Variants in KCNN2 observed in about 807,000 individuals in gnomAD.
The protein encoded by KCNN2 is potassium calcium-activated channel subfamily N member 2.
KCNN2 carries 24 observed loss-of-function variants against 55.5 expected under a neutral mutation model. That is an observed-to-expected ratio of 0.43 (90% CI 0.31 to 0.61). The LOEUF is 0.61. KCNN2 is among the 20% of genes least tolerant of loss of function. The pLI is 0.08. For synonymous variants in KCNN2, 431 were observed against 336.1 expected (o/e 1.28, Z -3.09); for missense variants, 754 against 853.6 (o/e 0.88, Z 1.45).
rs146852362 is a variant in KCNN2, at chr5:114,257,879, G to C, written c.-185+36314G>C. ...CTCTGGCTAGAACTTCTAGTACTCTGTTGAATAGGAGTGGTGAGTGTGGGA... is the reference window on the plus strand; with the variant it reads ...CTCTGGCTAGAACTTCTAGTACTCTCTTGAATAGGAGTGGTGAGTGTGGGA... On this transcript the variant is annotated intron_variant, in intron 2 of 10. Coordinates refer to the KCNN2 transcript ENST00000512097. Among the ~76,000 whole-genome samples, 107 of 152,268 alleles carry C rather than the reference G, an allele frequency of 7.0e-4. 2 individuals are homozygous for C. The East Asian group carries it at 0.015, about 22-fold the overall frequency.
chr5:114,285,283 CAAAAAAAAAAAA>C (rs70976334), intron 2 of KCNN2, among the ~76,000 whole-genome samples: 1 of 56,276 alleles, frequency 1.8e-5, no homozygotes, highest in Non-Finnish European at 3.0e-5. Context: ...ACTCCATCTC[CAAAAAAAAAAAA>C]AAAAAAAAAA....
chr5:114,234,390 GCA>G (rs1259366292), intron 2 of KCNN2, among the ~76,000 whole-genome samples: 2 of 152,270 alleles, frequency 1.3e-5, no homozygotes, highest in East Asian at 1.9e-4. Flanking sequence ...AGACAGACAT[GCA>G]CAGTTTCCTT....
chr5:114,468,277 G>T (rs142133336), intron 4 of KCNN2, among the ~76,000 whole-genome samples: 204 of 152,180 alleles, frequency 1.3e-3, no homozygotes, highest in Non-Finnish European at 2.0e-3. Flanking sequence ...AATGTTACTT[G>T]CCAGAATTGA....
At chr5:114,308,799 G>T (rs1454112990) in intron 2 of KCNN2, among the ~76,000 whole-genome samples, 1 of 152,106 alleles carries the variant, frequency 6.6e-6, no homozygotes, top group African/African-American at 2.4e-5. Context: ...AGGACTAAAT[G>T]AAAAATTTAA....
intron 2 of KCNN2, among the ~76,000 whole-genome samples, chr5:114,251,353 CT>C (rs1443257337): frequency 2.4e-4 from 36 of 152,216 alleles, no homozygotes; most frequent in African/African-American, 8.7e-4. Context: ...GGTTTGAATC[CT>C]CCTATGCTAT....
chr5:114,209,662 G>T (rs1753839698), intron 1 of KCNN2, among the ~76,000 whole-genome samples: 1 of 152,130 alleles, frequency 6.6e-6, no homozygotes, highest in South Asian at 2.1e-4. Flanking sequence ...ATTGTATGAA[G>T]ACATTATACT....
chr5:114,233,490 T>A (rs1454105938), intron 2 of KCNN2, among the ~76,000 whole-genome samples: 2 of 152,176 alleles, frequency 1.3e-5, no homozygotes, highest in African/African-American at 4.8e-5. Context: ...ACCATAACAC[T>A]CTCTCCTGAT....
At chr5:114,248,168 A>G (rs572801414) in intron 2 of KCNN2, among the ~76,000 whole-genome samples, 12 of 152,332 alleles carry the variant, frequency 7.9e-5, no homozygotes, top group African/African-American at 2.4e-4. Context: ...AGATTTTTAC[A>G]TGGACAGGAA....
intron 2 of KCNN2, among the ~76,000 whole-genome samples, chr5:114,396,757 G>T (rs1418474874): frequency 6.6e-6 from 1 of 152,100 alleles, no homozygotes; most frequent in Non-Finnish European, 1.5e-5. Context: ...ATGTTGGCCA[G>T]GATGGTCTCG....
At chr5:114,305,294 C>G (rs62382908) in intron 2 of KCNN2, among the ~76,000 whole-genome samples, 5,565 of 152,222 alleles carry the variant, frequency 0.037, 141 homozygotes, top group Middle Eastern at 0.078. Context: ...CAGAGATGGC[C>G]TACGATCTCT....
rs549232423 is a variant in KCNN2 at position 114,435,337 on chromosome 5, T to C, written c.1638-27712T>C. Among the ~76,000 whole-genome samples the C allele has an allele frequency of 2.6e-5, 4 of 152,344 alleles. No homozygotes were observed. In the East Asian group the frequency reaches 7.7e-4, roughly 29 times the overall value. ...GTCCCTAGTTTTGAGGGTGGTGGTT[T>C]GTCTTGTGACCTTAATTCTCTGCTA... On this transcript the variant is annotated intron_variant, in intron 3 of 7. Transcript: ENST00000673685.
intron 2 of KCNN2, among the ~76,000 whole-genome samples, chr5:114,274,542 G>C (rs1012254625): frequency 6.6e-6 from 1 of 152,060 alleles, no homozygotes; most frequent in Non-Finnish European, 1.5e-5. Context: ...TCTTTGAAGA[G>C]GTCCTTCACA....
intron 2 of KCNN2, among the ~76,000 whole-genome samples, chr5:114,255,376 A>T (rs1477168239): frequency 6.6e-6 from 1 of 152,218 alleles, no homozygotes; most frequent in Non-Finnish European, 1.5e-5. Context: ...AATTTTCCAG[A>T]CGGATGAGGT....
intron 2 of KCNN2, among the ~76,000 whole-genome samples, chr5:114,255,977 T>G (rs1306284769): frequency 6.6e-6 from 1 of 152,088 alleles, no homozygotes; most frequent in Non-Finnish European, 1.5e-5. Context: ...TGTACCCTAA[T>G]TTCTCATCTC....
At chr5:114,056,639 A>T (rs1750215514) in intron 1 of KCNN2, 1 of 387,936 alleles carries the variant, frequency 2.6e-6, no homozygotes, top group South Asian at 1.5e-4. Flanking sequence ...TCCAGCACCC[A>T]CTCATACCTT....
At chr5:114,194,422 T>G (rs1319901062) in intron 1 of KCNN2, among the ~76,000 whole-genome samples, 1 of 152,054 alleles carries the variant, frequency 6.6e-6, no homozygotes, top group East Asian at 1.9e-4. Flanking sequence ...CTCATTGAAA[T>G]TTTGATTTGC....
intron 2 of KCNN2, among the ~76,000 whole-genome samples, chr5:114,226,018 G>A (rs774802590): frequency 9.2e-5 from 14 of 152,124 alleles, no homozygotes; most frequent in Non-Finnish European, 2.1e-4. Flanking sequence ...AACTATCCGG[G>A]ACTAAAATCC....
At chr5:114,110,450 G>T (rs1380305954) in intron 1 of KCNN2, among the ~76,000 whole-genome samples, 1 of 151,994 alleles carries the variant, frequency 6.6e-6, no homozygotes, top group Non-Finnish European at 1.5e-5. Context: ...TCTCAGACAG[G>T]ATTGACTTTA....
intron 1 of KCNN2, among the ~76,000 whole-genome samples, chr5:114,200,919 G>C (rs1753662820): frequency 6.6e-6 from 1 of 152,100 alleles, no homozygotes; most frequent in African/African-American, 2.4e-5. Flanking sequence ...AGTGGTGCGA[G>C]TATGCCTGTT....
Sources: gnomAD v4.1 joint callset for allele counts (sites outside exome capture counted in the v4.1 genomes callset) on GRCh38, gnomAD v4.1.1 for gene constraint, MANE v1.5 for transcripts, NCBI Gene and HGNC (gene_info 2026-07-23, HGNC 2026-07-21) for gene names.